The following EXT1 variants were observed in gnomAD, a reference collection of about 807,000 sequenced individuals.
EXT1 encodes exostosin-1.
Under a neutral mutation model 82.5 loss-of-function variants are expected in EXT1, and 20 were observed. The observed-to-expected ratio is 0.24, with a 90% CI of 0.17 to 0.35. The LOEUF is 0.35. EXT1 is among the 10% of genes least tolerant of loss of function. The pLI, the probability that EXT1 is intolerant of heterozygous loss-of-function variation, is 1.00. For synonymous variants in EXT1, 348 were observed against 350.8 expected, an observed-to-expected ratio of 0.99 and a Z score of 0.09; for missense variants, 757 against 936.5, an observed-to-expected ratio of 0.81 and a Z score of 2.50.
At chr8:117,875,388 T>A (rs1812950538) in intron 1 of EXT1, among the ~76,000 whole-genome samples, 1 of 151,688 alleles carries the variant, frequency 6.6e-6, no homozygotes, top group Non-Finnish European at 1.5e-5. Context: ...GCCACTGCAC[T>A]CCAGCCTGGG....
intron 1 of EXT1, among the ~76,000 whole-genome samples, chr8:117,904,876 C>G (rs1586276188): frequency 1.3e-5 from 2 of 152,044 alleles, no homozygotes; most frequent in East Asian, 3.9e-4. Flanking sequence ...AAAAATTACC[C>G]TGTGGTTAGT....
intron 8 of EXT1, among the ~76,000 whole-genome samples, chr8:117,812,330 G>A (rs184061026): frequency 6.6e-6 from 1 of 152,102 alleles, no homozygotes; most frequent in Non-Finnish European, 1.5e-5. Flanking sequence ...ACAACTACCT[G>A]AACATCTGAA....
At chr8:118,021,771 A>G (rs1816106614) in intron 1 of EXT1, among the ~76,000 whole-genome samples, 1 of 152,194 alleles carries the variant, frequency 6.6e-6, no homozygotes, top group Non-Finnish European at 1.5e-5. Flanking sequence ...ACCCCAGACT[A>G]CACAGGTTCT....
intron 1 of EXT1, among the ~76,000 whole-genome samples, chr8:117,932,364 T>C (rs17475813): frequency 0.045 from 6,830 of 152,240 alleles, 506 homozygotes; most frequent in African/African-American, 0.15. Flanking sequence ...TGAAAAGATA[T>C]TTTGTTCACA....
intron 3 of EXT1, among the ~76,000 whole-genome samples, chr8:117,831,932 A>T (rs976562877): frequency 1.3e-5 from 2 of 152,232 alleles, no homozygotes; most frequent in African/African-American, 4.8e-5. Flanking sequence ...CAACATGTAA[A>T]GGAGAAATAC....
chr8:118,039,055 TAATTTCA>T (rs1294759411), intron 1 of EXT1, among the ~76,000 whole-genome samples: 1 of 152,188 alleles, frequency 6.6e-6, no homozygotes, highest in Non-Finnish European at 1.5e-5. Flanking sequence ...CTCAGGGCAA[TAATTTCA>T]AATTTCTAAT....
rs138747873 is a variant in EXT1, at chr8:118,050,039, A to G, written c.962+60046T>C. Among the ~76,000 whole-genome samples, 200 of 152,112 alleles carry G rather than the reference A, an allele frequency of 1.3e-3. 1 individual carries two copies. The highest frequency in any genetic ancestry group is 2.1e-3 in the Non-Finnish European group (143 of 67,972). ...TTCAAGGTCAAGACCAATTCTATAT[A>G]CCCATTCACCTTAAGGTAAAATGAC... On this transcript the variant is annotated intron_variant, in intron 1 of 10. Coordinates refer to ENST00000378204, the MANE Select transcript of EXT1 (RefSeq NM_000127.3).
chr8:117,860,448 C>T (rs1006996484), intron 1 of EXT1, among the ~76,000 whole-genome samples: 2 of 152,156 alleles, frequency 1.3e-5, no homozygotes, highest in Admixed American at 1.3e-4. Flanking sequence ...GCCCAGCCTT[C>T]GCCACTATGC....
intron 1 of EXT1, among the ~76,000 whole-genome samples, chr8:118,098,854 T>G (rs1817667054): frequency 6.6e-6 from 1 of 151,994 alleles, no homozygotes; most frequent in African/African-American, 2.4e-5. Flanking sequence ...ATATGCATCT[T>G]GAAAACCCAG....
rs1481574908 is a variant in EXT1, at chr8:118,110,260, T to C, written c.787A>G (p.Met263Val). The C allele has an allele frequency of 1.9e-6, 3 of 1,614,174 alleles. No individual in the cohort carries two copies. Among genetic ancestry groups the C allele is most frequent in the African/African-American group, 1.3e-5 (1 of 75,042 alleles). ...TACCTCTTCCCCTTGAATACCAGCA[T>C]GTACTTCCTGAGAGGAGGGATGGTG... is the stretch of plus-strand genomic sequence containing the variant. Reference protein sequence around the residue: ...FNTIPPLRKYMLVFKGKRYLT... With the variant: ...FNTIPPLRKYVLVFKGKRYLT... Residue 263 changes from methionine to valine, a missense_variant, in exon 1 of 11, where the codon ATG (methionine) becomes GTG (valine). Met to Val is a conservative substitution (Grantham distance 21, BLOSUM62 1). Transcript: ENST00000378204.
At chr8:118,107,846 G>T (rs1054130910) in intron 1 of EXT1, among the ~76,000 whole-genome samples, 1 of 152,088 alleles carries the variant, frequency 6.6e-6, no homozygotes, top group East Asian at 1.9e-4. Context: ...GCACCATCCC[G>T]GGCTACATGC....
intron 1 of EXT1, among the ~76,000 whole-genome samples, chr8:118,107,416 T>A (rs1563658428): frequency 6.6e-6 from 1 of 152,118 alleles, no homozygotes; most frequent in Non-Finnish European, 1.5e-5. Context: ...CCCAAACTAA[T>A]GCTCAAGGTG....
intron 1 of EXT1, among the ~76,000 whole-genome samples, chr8:117,959,386 G>A (rs976254154): frequency 2.0e-5 from 3 of 152,174 alleles, no homozygotes; most frequent in Non-Finnish European, 2.9e-5. Flanking sequence ...AAACAACTCT[G>A]TTTCATTCTT....
intron 1 of EXT1, among the ~76,000 whole-genome samples, chr8:117,985,129 A>G (rs1221469430): frequency 1.3e-5 from 2 of 152,096 alleles, no homozygotes; most frequent in Admixed American, 1.3e-4. Flanking sequence ...ACTTTTGAAC[A>G]CCGAACCGCT....
In EXT1 at chr8:118,091,467, G is replaced by A. The variant is rs181708715; in HGVS notation, c.962+18618C>T. ...AAAAATAAATAAGTCGGCCGGGCGC[G>A]GTGGCTCACGCCTGTAATCCCAGCA... On this transcript the variant is annotated intron_variant, in intron 1 of 10. Coordinates refer to ENST00000378204, the MANE Select transcript of EXT1 (RefSeq NM_000127.3). Among the ~76,000 whole-genome samples, 481 of 152,130 alleles carry A rather than the reference G, an allele frequency of 3.2e-3. 1 individual carries two copies. Among genetic ancestry groups the A allele is most frequent in the Non-Finnish European group, 5.4e-3 (366 of 68,010 alleles).
At chr8:117,923,355 AG>A (rs1813892250) in intron 1 of EXT1, among the ~76,000 whole-genome samples, 1 of 151,816 alleles carries the variant, frequency 6.6e-6, no homozygotes, top group African/African-American at 2.4e-5. Flanking sequence ...GACAGTGAGC[AG>A]GGGGATGTGG....
At chr8:117,808,892 G>C (rs1411713116) in intron 8 of EXT1, among the ~76,000 whole-genome samples, 2 of 152,072 alleles carry the variant, frequency 1.3e-5, no homozygotes, top group African/African-American at 4.8e-5. Flanking sequence ...TCAGTTCAGG[G>C]CCTGAATACA....
At chr8:117,875,102 C>T (rs1347977250) in intron 1 of EXT1, among the ~76,000 whole-genome samples, 4 of 152,064 alleles carry the variant, frequency 2.6e-5, no homozygotes, top group African/African-American at 4.8e-5. Context: ...GGAAATCAGC[C>T]GCCTAAGATG....
chr8:117,931,104 C>G (rs1437677680), intron 1 of EXT1, among the ~76,000 whole-genome samples: 1 of 152,212 alleles, frequency 6.6e-6, no homozygotes, highest in African/African-American at 2.4e-5. Context: ...TTGTTTAACA[C>G]ATAATCAAGA....
Sources: gnomAD v4.1 joint callset for allele counts (sites outside exome capture counted in the v4.1 genomes callset) on GRCh38, gnomAD v4.1.1 for gene constraint, MANE v1.5 for transcripts, NCBI Gene and HGNC (gene_info 2026-07-23, HGNC 2026-07-21) for gene names.